The following ELMO2 variants were observed in gnomAD, a reference collection of about 807,000 sequenced individuals.
ELMO2 encodes engulfment and cell motility protein 2.
A neutral mutation model predicts 96.2 loss-of-function variants in ELMO2; 37 were observed. That is an observed-to-expected ratio of 0.38 (90% CI 0.30 to 0.51). The LOEUF is 0.51. ELMO2 is among the 20% of genes least tolerant of loss of function. The probability of loss-of-function intolerance (pLI) is 0.88; values close to 1 mark genes in which losing one functional copy is unlikely to be tolerated. For missense variants in ELMO2, 561 were observed against 912.6 expected (o/e 0.61, Z 4.96); for synonymous variants, 315 against 329.4 (o/e 0.96, Z 0.47).
chr20:46,371,973 A>C lies in ELMO2; in HGVS notation c.1417-4T>G, dbSNP rs769349670. ...GCTCTCGGACGACTTGCATAACCTA[A>C]GAGGAGAAGAACCCAGCCAACTCAC... is the stretch of plus-strand genomic sequence containing the variant. On this transcript the variant is annotated splice_polypyrimidine_tract_variant and splice_region_variant and intron_variant, in intron 16 of 21. Coordinates refer to ENST00000290246, the MANE Select transcript of ELMO2 (RefSeq NM_133171.5). The surrounding 1 kb of genome is among the most constrained non-coding windows in gnomAD (Gnocchi z 5.9). 1 of 1,613,550 alleles carries C rather than the reference A, an allele frequency of 6.2e-7. No homozygotes were observed. Among genetic ancestry groups the C allele is most frequent in the Non-Finnish European group, 8.5e-7 (1 of 1,179,978 alleles).
intron 21 of ELMO2, among the ~76,000 whole-genome samples, chr20:46,368,389 C>T (rs2145749016): frequency 6.6e-6 from 1 of 152,160 alleles, no homozygotes; most frequent in East Asian, 1.9e-4. Flanking sequence ...CTTCAAAGTC[C>T]ACACTGGATC....
intron 19 of ELMO2, 58 bp from the exon 20 acceptor site, chr20:46,370,583 A>G (rs889840031): frequency 6.6e-7 from 1 of 1,522,446 alleles, no homozygotes; most frequent in African/African-American, 1.4e-5. Context: ...GTCAGTGCCT[A>G]CATCAGTGCT....
intron 21 of ELMO2, 88 bp from the exon 22 acceptor site, chr20:46,367,648 A>C: frequency 9.0e-7 from 1 of 1,114,302 alleles, no homozygotes; most frequent in African/African-American, 1.6e-5. Flanking sequence ...GGGGCTCACA[A>C]CAGTTCCTTT....
chr20:46,373,657 C>T, intron 15 of ELMO2, 122 bp from the exon 16 acceptor site: 1 of 1,282,026 alleles, frequency 7.8e-7, no homozygotes, highest in Non-Finnish European at 1.1e-6. Flanking sequence ...GCGCAATTAA[C>T]AGGGAGCGTG....
In ELMO2 at chr20:46,370,458, A is replaced by G; in HGVS notation, c.1869T>C (p.Ala623=). 1 of 1,614,188 alleles carries G rather than the reference A, an allele frequency of 6.2e-7. No homozygotes were observed. The highest frequency in any genetic ancestry group is 8.5e-7 in the Non-Finnish European group (1 of 1,180,016). ...KDCPHMKEKS[A]LKQNKEVLEL... ...CTCTACTCACCTTGTTCTGTTTCAG[A>G]GCACTTTTCTCTTTCATGTGGGGAC... is the stretch of plus-strand genomic sequence containing the variant. Residue 623 remains alanine, a synonymous_variant, in exon 20 of 22, where the codon GCT becomes GCC. Coordinates refer to ENST00000290246, the MANE Select transcript of ELMO2 (RefSeq NM_133171.5).
At chr20:46,406,130 G>C (rs997684628) in intron 1 of ELMO2, among the ~76,000 whole-genome samples, 4 of 152,288 alleles carry the variant, frequency 2.6e-5, no homozygotes, top group Admixed American at 2.6e-4. Context: ...GGTTGAGCAT[G>C]ACCCCGGGCT....
chr20:46,394,678 C>G, intron 2 of ELMO2, 146 bp from the exon 3 acceptor site: 1 of 632,182 alleles, frequency 1.6e-6, no homozygotes. Context: ...CATACCACAA[C>G]TTCTGCTTAG....
intron 3 of ELMO2, 27 bp downstream of exon 3, chr20:46,394,378 C>T (rs1260196184): frequency 6.8e-6 from 11 of 1,613,328 alleles, no homozygotes; most frequent in Admixed American, 3.3e-5. Flanking sequence ...TTTCCTTGAA[C>T]CACTGCTTCT....
In ELMO2 at chr20:46,382,278, C is replaced by T. The variant is rs767565413; in HGVS notation, c.756+1138G>A. 1.9e-5 allele frequency: 24 copies of T among 1,289,606 alleles called. No homozygotes were observed. The East Asian group carries it at 7.8e-4, about 42-fold the overall frequency. The allele number at this position is 1,289,606 out of a possible 1,614,324, so 79.9% of individuals were successfully genotyped here. ...AAGCAAAAGCACAGAGAGAAGCAGA[C>T]GGAATGAGCTTTCAGCTTACATTCA... On this transcript the variant is annotated intron_variant, in intron 10 of 21. Transcript: ENST00000290246.
chr20:46,370,133 G>A, intron 20 of ELMO2: 2 of 477,064 alleles, frequency 4.2e-6, no homozygotes, highest in South Asian at 3.6e-5. Flanking sequence ...TGTGCTAATG[G>A]ACTGGTGGCA....
At chr20:46,398,316 T>A (rs1456459771) in intron 2 of ELMO2, among the ~76,000 whole-genome samples, 7 of 152,078 alleles carry the variant, frequency 4.6e-5, no homozygotes, top group East Asian at 1.9e-4. Flanking sequence ...TTTATTTTTT[T>A]AAATTTTTTT....
intron 2 of ELMO2, among the ~76,000 whole-genome samples, chr20:46,395,095 A>T (rs573662815): frequency 1.3e-5 from 2 of 152,192 alleles, no homozygotes; most frequent in Non-Finnish European, 2.9e-5. Context: ...AATGGGGAAG[A>T]TAACTGGGAC....
At chr20:46,395,275 C>T (rs2060223912) in intron 2 of ELMO2, among the ~76,000 whole-genome samples, 1 of 152,166 alleles carries the variant, frequency 6.6e-6, no homozygotes, top group East Asian at 1.9e-4. Context: ...ATAAATCATC[C>T]TGAGCAAGTC....
intron 16 of ELMO2, among the ~76,000 whole-genome samples, 187 bp from the exon 17 acceptor site, chr20:46,372,156 T>C (rs140936502): frequency 4.1e-4 from 62 of 152,336 alleles, no homozygotes; most frequent in Admixed American, 1.4e-3. Context: ...CACTGATAGA[T>C]GCTTTATTTC....
chr20:46,371,808 A>G lies in ELMO2; in HGVS notation c.1578T>C (p.Ile526=). Residue 526 remains isoleucine, a splice_region_variant and synonymous_variant, in exon 17 of 22, where the codon ATT becomes ATC. Coordinates refer to ENST00000290246, the MANE Select transcript of ELMO2 (RefSeq NM_133171.5). The surrounding 1 kb of genome is among the most constrained non-coding windows in gnomAD (Gnocchi z 5.9). ...MSQDDFQSPP[I]VELREKIQPE... ...GCCTCCCCTGAGATGGAACTTACAC[A>G]ATTGGCGGGGACTGGAAGTCATCCT... The G allele has an allele frequency of 6.2e-7, 1 of 1,614,064 alleles. No individual in the cohort carries two copies.
chr20:46,379,496 AT>A (rs557799606), intron 11 of ELMO2, among the ~76,000 whole-genome samples: 279 of 152,226 alleles, frequency 1.8e-3, no homozygotes, highest in African/African-American at 6.1e-3. Context: ...TCTTTCTAAA[AT>A]GCAAATCTGG....
At position 46,393,424 on chromosome 20, in the gene ELMO2, A is replaced by G. The variant is rs2060189248; in HGVS notation, c.192+105T>C. ...TCCGGAGAGTGACTCTTTACCCAAC[A>G]CATGGAAGCTACCTGGATGCTGAGT... On this transcript the variant is annotated intron_variant, in intron 5 of 21. Transcript: ENST00000290246. 5.6e-6 allele frequency: 7 copies of G among 1,261,032 alleles called. No individual in the cohort carries two copies. The Admixed American group carries it at 1.3e-4, about 23-fold the overall frequency. 78.1% of individuals were successfully genotyped at this position (1,261,032 alleles called of 1,614,324 possible).
Position 46,374,423 on chromosome 20 carries a change from A to G in ELMO2, c.1188T>C (p.Ser396=), listed in dbSNP as rs1413798987. Residue 396 remains serine, a synonymous_variant, in exon 15 of 22, where the codon AGT becomes AGC. Transcript: ENST00000290246. ...GGCATTCATGTTTGTCTTCCCGGCTACTGTTCTCCAAGACAATCTGTCGGG... is the reference window on the plus strand; with the variant it reads ...GGCATTCATGTTTGTCTTCCCGGCTGCTGTTCTCCAAGACAATCTGTCGGG... ...DTYIRIVLEN[S]SREDKHECPF... 3 of 1,614,024 alleles carry G rather than the reference A, an allele frequency of 1.9e-6. No individual in the cohort carries two copies. The highest frequency in any genetic ancestry group is 2.5e-6 in the Non-Finnish European group (3 of 1,180,014).
intron 15 of ELMO2, among the ~76,000 whole-genome samples, chr20:46,373,947 T>C (rs1199511361): frequency 5.0e-5 from 5 of 100,772 alleles, no homozygotes; most frequent in African/African-American, 1.1e-4. Flanking sequence ...TTTTTTTTTT[T>C]AAGATAGAGT....
Sources: allele counts gnomAD v4.1 joint callset (sites outside exome capture counted in the v4.1 genomes callset), GRCh38; gene constraint gnomAD v4.1.1; non-coding constraint Gnocchi (gnomAD v3.1); transcripts MANE v1.5; gene names NCBI Gene and HGNC (gene_info 2026-07-23, HGNC 2026-07-21).